Variants in CLASP2 observed in about 807,000 individuals in gnomAD.
CLASP2 encodes the protein cytoplasmic linker associated protein 2.
Under a neutral mutation model 194.4 loss-of-function variants are expected in CLASP2, and 47 were observed. That is an observed-to-expected ratio of 0.24 (90% CI 0.19 to 0.31). The LOEUF is 0.31. CLASP2 is among the 10% of genes least tolerant of loss of function. The pLI, the probability that CLASP2 is intolerant of heterozygous loss-of-function variation, is 1.00. For synonymous variants in CLASP2, 619 were observed against 633.5 expected, an observed-to-expected ratio of 0.98 and a Z score of 0.34; for missense variants, 1,445 against 1,823.6, an observed-to-expected ratio of 0.79 and a Z score of 3.78.
chr3:33,656,068 T>C (rs1261148893), intron 7 of CLASP2, among the ~76,000 whole-genome samples: 1 of 152,182 alleles, frequency 6.6e-6, no homozygotes, highest in Non-Finnish European at 1.5e-5. Flanking sequence ...AGCTACTGCA[T>C]GATTATCTGA....
At chr3:33,678,495 A>C (rs1209741338) in intron 6 of CLASP2, among the ~76,000 whole-genome samples, 1 of 152,198 alleles carries the variant, frequency 6.6e-6, no homozygotes, top group Non-Finnish European at 1.5e-5. Context: ...AAACACACTA[A>C]TCTACAATTC....
At chr3:33,704,838 C>A (rs1334239924) in intron 1 of CLASP2, among the ~76,000 whole-genome samples, 2 of 151,818 alleles carry the variant, frequency 1.3e-5, no homozygotes, top group Non-Finnish European at 2.9e-5. Context: ...TAAAGAAATG[C>A]AAATCAAAAC....
At chr3:33,644,611 C>T (rs771455725) in intron 8 of CLASP2, 146 bp downstream of exon 8, 1 of 799,574 alleles carries the variant, frequency 1.3e-6, no homozygotes, top group Non-Finnish European at 2.1e-6. Flanking sequence ...AAAAGGGCAT[C>T]GTATTCTTCT....
intron 30 of CLASP2, among the ~76,000 whole-genome samples, chr3:33,550,443 T>C (rs1184267000): frequency 1.6e-5 from 2 of 123,926 alleles, no homozygotes; most frequent in Non-Finnish European, 1.7e-5. Flanking sequence ...GGGATGAAGA[T>C]AAGTCTCAGG....
intron 6 of CLASP2, among the ~76,000 whole-genome samples, chr3:33,681,617 A>G (rs1372284869): frequency 1.3e-5 from 2 of 152,268 alleles, no homozygotes; most frequent in Non-Finnish European, 2.9e-5. Context: ...AGCTTATTCA[A>G]CAAATAAAAC....
intron 1 of CLASP2, among the ~76,000 whole-genome samples, chr3:33,712,364 G>C (rs34230670): frequency 6.6e-6 from 1 of 152,088 alleles, no homozygotes; most frequent in Non-Finnish European, 1.5e-5. Context: ...GGAAGGTTGG[G>C]AGAGGGTTGA....
rs539062094 is a variant in CLASP2 at position 33,529,794 on chromosome 3, A to C, written c.3787+5439T>G. On this transcript the variant is annotated intron_variant, in intron 34 of 38. Coordinates refer to ENST00000682230, the MANE Select transcript of CLASP2 (RefSeq NM_001365631.1). ...CAGGAGATCGAGACCATCCTGGCTA[A>C]CAAGGTGAAACCCCGTCTCTACTAA... 5.3e-5 allele frequency among the ~76,000 whole-genome samples: 8 copies of C among 152,030 alleles called. No individual in the cohort carries two copies. The East Asian group carries it at 1.4e-3, about 26-fold the overall frequency.
At chr3:33,697,923 T>C (rs1359563469) in intron 1 of CLASP2, among the ~76,000 whole-genome samples, 1 of 152,182 alleles carries the variant, frequency 6.6e-6, no homozygotes, top group Non-Finnish European at 1.5e-5. Context: ...CAAAACTATT[T>C]ACAACTGAGT....
At chr3:33,505,384 T>C (rs1030315246) in intron 37 of CLASP2, 2 of 152,228 alleles carry the variant, frequency 1.3e-5, no homozygotes, top group Non-Finnish European at 2.9e-5. Flanking sequence ...TGGTAGGCAG[T>C]TAGGTAAGTT....
rs1434863708 is a variant in CLASP2 at position 33,576,106 on chromosome 3, C to T, written c.2454+63G>A. On this transcript the variant is annotated intron_variant, in intron 24 of 38. Transcript: ENST00000682230. ...CCCCTTTCCCACATGGATAGACTGG[C>T]CTACTCATTCAACAGTTTCGTAATT... 2.4e-6 allele frequency: 3 copies of T among 1,276,372 alleles called. No individual in the cohort carries two copies. In the East Asian group the frequency reaches 7.0e-5, roughly 30 times the overall value. The allele number at this position is 1,276,372 out of a possible 1,614,324, so 79.1% of individuals were successfully genotyped here. A position where few individuals can be genotyped will look rare whatever the true frequency, so the allele number is the denominator to read the frequency against.
chr3:33,583,339 A>G (rs941799633), intron 22 of CLASP2, among the ~76,000 whole-genome samples: 10 of 152,364 alleles, frequency 6.6e-5, no homozygotes, highest in African/African-American at 2.4e-4. Context: ...GGTATAAGTT[A>G]TAATGACATA....
chr3:33,648,156 T>C (rs536472182), intron 7 of CLASP2, among the ~76,000 whole-genome samples: 1 of 151,566 alleles, frequency 6.6e-6, no homozygotes, highest in Admixed American at 6.6e-5. Flanking sequence ...GAAAATAAAA[T>C]AGTAAATATA....
At chr3:33,614,851 C>T (rs545252225) in intron 12 of CLASP2, among the ~76,000 whole-genome samples, 3 of 152,084 alleles carry the variant, frequency 2.0e-5, no homozygotes, top group Non-Finnish European at 2.9e-5. Context: ...ATTAGCCAGG[C>T]GTGGTGGCAG....
chr3:33,581,807 GC>G lies in CLASP2; in HGVS notation c.2347+13del. ...TGGATAAGCAATGCACATAACACCT[GC>G]CCGAATACGTACCGAGGGGCTGAAA... On this transcript the variant is annotated intron_variant, in intron 23 of 38. Transcript: ENST00000682230. The G allele has an allele frequency of 6.3e-7, 1 of 1,587,958 alleles. No individual in the cohort carries two copies. The highest frequency in any genetic ancestry group is 8.6e-7 in the Non-Finnish European group (1 of 1,157,866).
chr3:33,688,596 T>C (rs1216699836), intron 3 of CLASP2, among the ~76,000 whole-genome samples: 1 of 152,194 alleles, frequency 6.6e-6, no homozygotes, highest in Non-Finnish European at 1.5e-5. Flanking sequence ...TATTTCACTT[T>C]AGATTTTGAT....
intron 7 of CLASP2, chr3:33,659,437 G>A: frequency 1.0e-6 from 1 of 991,762 alleles, no homozygotes; most frequent in Non-Finnish European, 1.2e-6. Flanking sequence ...GTAATCAGTA[G>A]CAATCACATG....
At chr3:33,670,148 TA>T (rs2154337314) in intron 6 of CLASP2, among the ~76,000 whole-genome samples, 1 of 152,162 alleles carries the variant, frequency 6.6e-6, no homozygotes, top group Admixed American at 6.5e-5. Flanking sequence ...AACATAATTT[TA>T]ACAGAAAGAA....
At chr3:33,666,856 CTCA>C (rs1417170283) in intron 6 of CLASP2, among the ~76,000 whole-genome samples, 1 of 152,152 alleles carries the variant, frequency 6.6e-6, no homozygotes, top group Non-Finnish European at 1.5e-5. Context: ...GCTCTACATC[CTCA>C]TCAATATTTG....
At position 33,560,835 on chromosome 3, in the gene CLASP2, T is replaced by C; in HGVS notation, c.2903A>G (p.Lys968Arg). Residue 968 changes from lysine (K) to arginine (R), a missense_variant, in exon 28 of 39, where the codon AAA (lysine) becomes AGA (arginine). Physicochemically the swap from Lys to Arg is conservative, Grantham distance 26. This residue lies in a region of CLASP2 where 732 missense variants were observed against 987.9 expected (regional missense o/e 0.74). Transcript: ENST00000682230. The stretch of plus-strand genomic sequence containing the variant: ...TGTAACATCAAGGGCTTTCTGAACT[T>C]TTGCCTGAACAGATCCAAGCAAATC... ...GADLLGSVQA[K>R]VQKALDVTRE... 1 of 1,613,836 alleles carries C rather than the reference T, an allele frequency of 6.2e-7. No individual in the cohort carries two copies. Among genetic ancestry groups the C allele is most frequent in the Non-Finnish European group, 8.5e-7 (1 of 1,179,848 alleles).
Sources: gnomAD v4.1 joint callset for allele counts (sites outside exome capture counted in the v4.1 genomes callset) on GRCh38, gnomAD v4.1.1 for gene constraint, gnomAD v4.1.1 regional missense constraint, MANE v1.5 for transcripts, NCBI Gene and HGNC (gene_info 2026-07-23, HGNC 2026-07-21) for gene names.